Variants in PCDHGA8 observed in about 807,000 individuals in gnomAD.
The protein encoded by PCDHGA8 is protocadherin gamma subfamily A, 8.
A neutral mutation model predicts 59.2 loss-of-function variants in PCDHGA8; 45 were observed. That is an observed-to-expected ratio of 0.76 (90% confidence interval 0.60 to 0.98). The LOEUF (loss-of-function observed/expected upper bound fraction) is 0.98. Among genes scored for constraint, PCDHGA8 ranks in the 50% least tolerant of loss-of-function variants. PCDHGA8 has a pLI of 0.00. For missense variants in PCDHGA8, 1,257 were observed against 1,196.2 expected, an observed-to-expected ratio of 1.05 and a Z score of -0.75; for synonymous variants, 531 against 519.0, an observed-to-expected ratio of 1.02 and a Z score of -0.32.
At position 141,394,980 on chromosome 5, in the gene PCDHGA8, C is replaced by T; in HGVS notation, c.2167C>T (p.Arg723Cys). ...GLRLRRWHKS[R>C]LLQDSGGRLV... ...CAGGCTGAGGCGCTGGCACAAGTCA[C>T]GCCTGCTCCAGGATTCCGGTGGCAG... The change falls in exon 1 of 4, where the codon CGC (arginine) becomes TGC (cysteine). Residue 723 changes from arginine to cysteine, a missense_variant. Physicochemically the swap from Arg to Cys is radical, Grantham distance 180. Transcript: ENST00000398604. 1.2e-6 allele frequency: 2 copies of T among 1,614,012 alleles called. No individual in the cohort carries two copies. The highest frequency in any genetic ancestry group is 1.7e-6 in the Non-Finnish European group (2 of 1,179,886).
At chr5:141,421,651 A>C in intron 1 of PCDHGA8, 1 of 1,613,868 alleles carries the variant, frequency 6.2e-7, no homozygotes, top group Non-Finnish European at 8.5e-7. Flanking sequence ...AGTGGAGATA[A>C]AAGTCAGTGA....
At position 141,477,706 on chromosome 5, in the gene PCDHGA8, G is replaced by A. The variant is rs1490514142; in HGVS notation, c.2425-17101G>A. 6 of 1,613,988 alleles carry A rather than the reference G, an allele frequency of 3.7e-6. No homozygotes were observed. Among genetic ancestry groups the A allele is most frequent in the Non-Finnish European group, 5.1e-6 (6 of 1,180,044 alleles). ...TAGTGCCCCTAGACTATGAGGATCGGCGGGAATTTGAATTAACAGCTCATA... is the reference window on the plus strand; with the variant it reads ...TAGTGCCCCTAGACTATGAGGATCGACGGGAATTTGAATTAACAGCTCATA... On this transcript the variant is annotated intron_variant, in intron 1 of 3. Transcript: ENST00000398604. This position sits in a 1 kb window ranked among gnomAD's most constrained non-coding sequence, Gnocchi z 4.9.
In PCDHGA8 at chr5:141,485,109, C is replaced by A; in HGVS notation, c.2425-9698C>A. ...AGATAGGTGTCTCCAGCTGCTGTGG[C>A]TGTTTGGGGCGGGTCGGCTTCATCC... On this transcript the variant is annotated intron_variant, in intron 1 of 3. Transcript: ENST00000398604. This position sits in a 1 kb window ranked among gnomAD's most constrained non-coding sequence, Gnocchi z 5.7. The A allele has an allele frequency of 1.6e-6, 2 of 1,230,962 alleles. No individual in the cohort carries two copies. The highest frequency in any genetic ancestry group is 2.4e-6 in the Non-Finnish European group (2 of 850,024). The allele number at this position is 1,230,962 out of a possible 1,614,324, so 76.3% of individuals were successfully genotyped here.
chr5:141,449,932 A>T (rs1275797555), intron 1 of PCDHGA8, among the ~76,000 whole-genome samples: 6 of 151,660 alleles, frequency 4.0e-5, no homozygotes, highest in Non-Finnish European at 5.9e-5. Flanking sequence ...CATACCTTAT[A>T]GTATATTTTA....
chr5:141,506,737 C>T (rs893758261), intron 3 of PCDHGA8, among the ~76,000 whole-genome samples: 5 of 152,076 alleles, frequency 3.3e-5, no homozygotes, highest in African/African-American at 1.2e-4. Flanking sequence ...AGAATAATGC[C>T]TATTAATAAA....
At chr5:141,427,239 G>C (rs1160872088) in intron 1 of PCDHGA8, 1 of 456,746 alleles carries the variant, frequency 2.2e-6, no homozygotes, top group East Asian at 6.9e-5. Flanking sequence ...GAGAGTAGAA[G>C]CTAAGGATGG....
chr5:141,463,466 T>G (rs1400160593), intron 1 of PCDHGA8, among the ~76,000 whole-genome samples: 2 of 142,982 alleles, frequency 1.4e-5, no homozygotes, highest in African/African-American at 5.2e-5. Context: ...TTTTTTTTTT[T>G]GAGATGGAGT....
chr5:141,510,272 TAAAA>T (rs546154379), intron 3 of PCDHGA8, among the ~76,000 whole-genome samples: 1 of 130,390 alleles, frequency 7.7e-6, no homozygotes, highest in East Asian at 2.2e-4. Context: ...GACTCCATCT[TAAAA>T]AAAAAAAAAA....
intron 1 of PCDHGA8, among the ~76,000 whole-genome samples, chr5:141,406,791 C>T (rs893207613): frequency 2.0e-5 from 3 of 152,182 alleles, no homozygotes; most frequent in Non-Finnish European, 4.4e-5. Context: ...TATATTATTT[C>T]TGGCTCAATT....
intron 1 of PCDHGA8, chr5:141,418,573 C>T (rs749104686): frequency 6.2e-7 from 1 of 1,613,944 alleles, no homozygotes; most frequent in Non-Finnish European, 8.5e-7. Flanking sequence ...CCAATGACAA[C>T]CCCCCAGTGT....
intron 1 of PCDHGA8, among the ~76,000 whole-genome samples, chr5:141,474,163 T>A (rs958292802): frequency 2.0e-5 from 3 of 152,178 alleles, no homozygotes; most frequent in Non-Finnish European, 2.9e-5. Flanking sequence ...ATGACAGGCC[T>A]TATTATTGAG....
intron 1 of PCDHGA8, among the ~76,000 whole-genome samples, chr5:141,420,643 A>G (rs145459829): frequency 0.01 from 1,535 of 152,326 alleles, 17 homozygotes; most frequent in Non-Finnish European, 0.013. Flanking sequence ...GGAACCTTGT[A>G]AGAATTATAG....
chr5:141,435,745 A>T (rs2097777848), intron 1 of PCDHGA8, among the ~76,000 whole-genome samples: 1 of 152,184 alleles, frequency 6.6e-6, no homozygotes, highest in African/African-American at 2.4e-5. Context: ...TTTGAAAAGC[A>T]TTGCTTGATT....
Position 141,422,179 on chromosome 5 carries a change from A to G in PCDHGA8, c.2424+26942A>G, listed in dbSNP as rs757086661. The G allele has an allele frequency of 2.0e-5, 32 of 1,562,402 alleles. No homozygotes were observed. Among genetic ancestry groups the G allele is most frequent in the Non-Finnish European group, 2.6e-5 (30 of 1,159,048 alleles). ...TTTTGAAAAATATAGATTCTATGAG[A>G]TGGAAATTCAAGGCCAAGATGGTGG... is the stretch of plus-strand genomic sequence containing the variant. On this transcript the variant is annotated intron_variant, in intron 1 of 3. Coordinates refer to ENST00000398604, the MANE Select transcript of PCDHGA8 (RefSeq NM_032088.2).
At chr5:141,406,836 TC>T (rs2094857566) in intron 1 of PCDHGA8, among the ~76,000 whole-genome samples, 1 of 152,232 alleles carries the variant, frequency 6.6e-6, no homozygotes, top group Non-Finnish European at 1.5e-5. Context: ...AACTTGCATA[TC>T]AGATATAATT....
intron 1 of PCDHGA8, among the ~76,000 whole-genome samples, chr5:141,492,170 C>A (rs1383768075): frequency 6.6e-6 from 1 of 152,226 alleles, no homozygotes; most frequent in Non-Finnish European, 1.5e-5. Context: ...ATCCCCGCAT[C>A]ACCCAACCGC....
rs1157645386 is a variant in PCDHGA8 at position 141,477,622 on chromosome 5, A to C, written c.2425-17185A>C. On this transcript the variant is annotated intron_variant, in intron 1 of 3. Coordinates refer to ENST00000398604, the MANE Select transcript of PCDHGA8 (RefSeq NM_032088.2). This position sits in a 1 kb window ranked among gnomAD's most constrained non-coding sequence, Gnocchi z 4.9. ...TCTTTCTCTTGGAGCAAGGAGCTGA[A>C]ACCGGGCTAGTGGGTCGCTATTTCA... 1 of 1,614,108 alleles carries C rather than the reference A, an allele frequency of 6.2e-7. No homozygotes were observed. The highest frequency in any genetic ancestry group is 2.2e-5 in the East Asian group (1 of 44,904).
chr5:141,414,615 G>T, intron 1 of PCDHGA8: 1 of 1,613,962 alleles, frequency 6.2e-7, no homozygotes, highest in Non-Finnish European at 8.5e-7. Flanking sequence ...CAGTGACAGC[G>T]CTGGACCCGG....
intron 1 of PCDHGA8, among the ~76,000 whole-genome samples, chr5:141,444,014 T>C (rs2098414038): frequency 6.6e-6 from 1 of 152,122 alleles, no homozygotes; most frequent in Admixed American, 6.6e-5. Flanking sequence ...GGGTATTGGC[T>C]TCTAAAAGGA....
Sources: allele counts gnomAD v4.1 joint callset (sites outside exome capture counted in the v4.1 genomes callset), GRCh38; gene constraint gnomAD v4.1.1; non-coding constraint Gnocchi (gnomAD v3.1); transcripts MANE v1.5; gene names NCBI Gene and HGNC (gene_info 2026-07-23, HGNC 2026-07-21).